GLOD4: variants seen among roughly 807,000 people sequenced by gnomAD.
GLOD4 encodes glyoxalase domain-containing protein 4.
GLOD4 carries 44 observed loss-of-function variants against 39.1 expected under a neutral mutation model. The observed-to-expected ratio is 1.13, with a 90% CI of 0.88 to 1.45. The LOEUF is 1.45. Among genes scored for constraint, GLOD4 ranks in the 40% most tolerant of loss-of-function variants. GLOD4 has a pLI of 0.00. For synonymous variants in GLOD4, 145 were observed against 135.0 expected, an observed-to-expected ratio of 1.07 and a Z score of -0.52; for missense variants, 405 against 366.4, an observed-to-expected ratio of 1.11 and a Z score of -0.86.
chr17:770,992 C>T (rs1597582198), intron 5 of GLOD4: 1 of 212,562 alleles, frequency 4.7e-6, no homozygotes, highest in Non-Finnish European at 9.4e-6. Context: ...AGTAGAATTG[C>T]AGGGTCAAAG....
intron 8 of GLOD4, among the ~76,000 whole-genome samples, chr17:761,304 G>C (rs904024164): frequency 1.3e-5 from 2 of 152,128 alleles, no homozygotes; most frequent in African/African-American, 2.4e-5. Context: ...GGCTGTCCTA[G>C]GTAGTGTGAC....
At chr17:782,398 C>A, upstream of GLOD4, 1 of 1,613,756 alleles carries the variant, frequency 6.2e-7, no homozygotes, top group Non-Finnish European at 8.5e-7. Flanking sequence ...CTGGTGAGAC[C>A]CGCGAGGTTT....
At chr17:762,487 C>T (rs536203788) in intron 8 of GLOD4, among the ~76,000 whole-genome samples, 18 of 149,868 alleles carry the variant, frequency 1.2e-4, no homozygotes, top group East Asian at 5.9e-4. Flanking sequence ...ATCCAGGCCC[C>T]GGCCGGCACC....
At chr17:762,313 G>A (rs1226228452) in intron 8 of GLOD4, among the ~76,000 whole-genome samples, 1 of 152,250 alleles carries the variant, frequency 6.6e-6, no homozygotes, top group Non-Finnish European at 1.5e-5. Flanking sequence ...GGATTCCAGC[G>A]TGAACAACTG....
In GLOD4 at chr17:759,958, A is replaced by G. The variant is rs946078159; in HGVS notation, c.*215T>C. 9 of 572,036 alleles carry G rather than the reference A, an allele frequency of 1.6e-5. No homozygotes were observed. In the East Asian group the frequency reaches 2.6e-4, roughly 16 times the overall value. The allele number at this position is 572,036 out of a possible 1,614,324, so 35.4% of individuals were successfully genotyped here. A position where few individuals can be genotyped will look rare whatever the true frequency, so the allele number is the denominator to read the frequency against. On this transcript the variant is annotated 3_prime_UTR_variant, in exon 9 of 9. Coordinates refer to ENST00000301329, the MANE Select transcript of GLOD4 (RefSeq NM_016080.4). ...ATGCGCAGTCCCAGCAACAGTGTAG[A>G]TTACAGCAGGCGTTCTCTACCTGGA...
chr17:762,474 A>G (rs904837805), intron 8 of GLOD4, among the ~76,000 whole-genome samples: 5 of 146,500 alleles, frequency 3.4e-5, no homozygotes, highest in Non-Finnish European at 7.5e-5. Flanking sequence ...TAATTTCATC[A>G]CCATCCAGGC....
chr17:783,679 C>T (rs1448463675), upstream of GLOD4, among the ~76,000 whole-genome samples: 1 of 152,178 alleles, frequency 6.6e-6, no homozygotes, highest in African/African-American at 2.4e-5. Context: ...GGATTAATTT[C>T]TCATACTTGT....
chr17:775,712 C>T (rs1266205005), intron 4 of GLOD4, 63 bp downstream of exon 4: 1 of 1,380,326 alleles, frequency 7.2e-7, no homozygotes, highest in East Asian at 2.3e-5. Context: ...ACAGGCAGCC[C>T]TCACTCTCCT....
chr17:782,700 G>A, upstream of GLOD4: 1 of 1,589,178 alleles, frequency 6.3e-7, no homozygotes. Context: ...GAGGTGATGT[G>A]GTTCTTGAGC....
intron 2 of GLOD4, 124 bp from the exon 3 acceptor site, chr17:777,112 G>A (rs1457250135): frequency 1.3e-5 from 11 of 863,200 alleles, no homozygotes; most frequent in Non-Finnish European, 2.1e-5. Context: ...TCTTAAGGAT[G>A]AGATGACCTC....
At chr17:773,257 G>A (rs980965642) in intron 4 of GLOD4, among the ~76,000 whole-genome samples, 3 of 152,164 alleles carry the variant, frequency 2.0e-5, no homozygotes, top group Non-Finnish European at 2.9e-5. Context: ...CACTCCAAAG[G>A]TAATTGTGGA....
At chr17:773,803 T>A (rs934117079) in intron 4 of GLOD4, among the ~76,000 whole-genome samples, 2 of 152,150 alleles carry the variant, frequency 1.3e-5, no homozygotes, top group Non-Finnish European at 2.9e-5. Flanking sequence ...TCCATTTACT[T>A]CAAAATCAAC....
At chr17:770,636 C>A in intron 5 of GLOD4, 129 bp from the exon 6 acceptor site, 1 of 617,684 alleles carries the variant, frequency 1.6e-6, no homozygotes, top group Admixed American at 2.6e-5. Context: ...ACTCTCACCC[C>A]AGAGACAACT....
upstream of GLOD4, chr17:782,675 C>G (rs140228913): frequency 1.9e-6 from 3 of 1,604,710 alleles, no homozygotes; most frequent in Admixed American, 5.0e-5. Flanking sequence ...AAGCTTATCC[C>G]GGGGACAGGA....
Position 775,809 on chromosome 17 carries a change from C to A in GLOD4, c.372G>T (p.Lys124Asn). 3 of 1,614,046 alleles carry A rather than the reference C, an allele frequency of 1.9e-6. No homozygotes were observed. Among genetic ancestry groups the A allele is most frequent in the Middle Eastern group, 3.3e-4 (2 of 6,056 alleles). Residue 124 changes from lysine (K) to asparagine (N), a missense_variant, in exon 4 of 9, where the codon AAG (lysine) becomes AAT (asparagine). Transcript: ENST00000301329. The part of the protein sequence containing the change: ...VFETEAPGGY[K>N]FYLQNRSLPQ... ...GCAGACTGCGATTCTGCAAATAGAA[C>A]TTATATCCTCCCGGGGCCTCGGTTT...
chr17:773,717 T>C (rs1244382864), intron 4 of GLOD4, among the ~76,000 whole-genome samples: 1 of 152,242 alleles, frequency 6.6e-6, no homozygotes, highest in Non-Finnish European at 1.5e-5. Flanking sequence ...TAGTCCTGTT[T>C]GCTAGAACAG....
chr17:777,028 A>C, intron 2 of GLOD4, 40 bp from the exon 3 acceptor site: 1 of 1,603,522 alleles, frequency 6.2e-7, no homozygotes, highest in Non-Finnish European at 8.5e-7. Context: ...ACTACAGACA[A>C]GTCAGCCTCA....
chr17:769,169 G>A (rs1907410241), intron 8 of GLOD4, among the ~76,000 whole-genome samples: 1 of 152,176 alleles, frequency 6.6e-6, no homozygotes, highest in African/African-American at 2.4e-5. Flanking sequence ...CCTGGGGAGA[G>A]CTGAGGGGAA....
intron 1 of GLOD4, among the ~76,000 whole-genome samples, chr17:779,319 T>TAAAAAAA (rs34487169): frequency 2.3e-4 from 10 of 43,372 alleles, no homozygotes; most frequent in Non-Finnish European, 3.0e-4. Context: ...CATCTCAAAT[T>TAAAAAAA]AAAAAAAAAA....
Sources: allele counts gnomAD v4.1 joint callset (sites outside exome capture counted in the v4.1 genomes callset), GRCh38; gene constraint gnomAD v4.1.1; transcripts MANE v1.5; gene names NCBI Gene and HGNC (gene_info 2026-07-23, HGNC 2026-07-21).